Variants in SPTB observed in about 807,000 individuals in gnomAD.
The protein encoded by SPTB is spectrin beta, erythrocytic.
A neutral mutation model predicts 256.2 loss-of-function variants in SPTB; 45 were observed. The observed-to-expected ratio is 0.18, with a 90% CI of 0.14 to 0.23. SPTB has a LOEUF of 0.23. Ranked by LOEUF, SPTB falls within the 10% of genes least tolerant of loss-of-function variation. The pLI is 1.00. For missense variants in SPTB, 2,715 were observed against 3,040.4 expected (o/e 0.89, Z 2.52); for synonymous variants, 1,231 against 1,243.1 (o/e 0.99, Z 0.21).
In SPTB at chr14:64,747,939, A is replaced by T. The variant is rs2081873923; in HGVS notation, c.*1367T>A. 1 of 152,058 alleles carries T rather than the reference A, an allele frequency of 6.6e-6. No homozygotes were observed. Among genetic ancestry groups the T allele is most frequent in the African/African-American group, 2.4e-5 (1 of 41,354 alleles). 9.4% of individuals were successfully genotyped at this position (152,058 alleles called of 1,614,324 possible). A position where few individuals can be genotyped will look rare whatever the true frequency, so the allele number is the denominator to read the frequency against. On this transcript the variant is annotated 3_prime_UTR_variant, in exon 36 of 36. Transcript: ENST00000644917. ...AGCTTTCTCTTCCTCCAGAAGTATG[A>T]CCTGAGCAGCAAGGGGAAGGCCATT... is the stretch of plus-strand genomic sequence containing the variant.
At position 64,792,259 on chromosome 14, in the gene SPTB, T is replaced by C. The variant is rs1451467000; in HGVS notation, c.2667-403A>G. 6.6e-6 allele frequency among the ~76,000 whole-genome samples: 1 copy of C among 152,216 alleles called. No homozygotes were observed. The highest frequency in any genetic ancestry group is 1.5e-5 in the Non-Finnish European group (1 of 68,038). ...ACTCTGAGTCCAATGCCTTGACATC[T>C]TAACCCAAAAGATACCCTTTCCAGC... is the stretch of plus-strand genomic sequence containing the variant. On this transcript the variant is annotated intron_variant, in intron 14 of 35. Transcript: ENST00000644917. This position sits in a 1 kb window ranked among gnomAD's most constrained non-coding sequence, Gnocchi z 4.2.
rs147753775 is a variant in SPTB at position 64,795,999 on chromosome 14, T to G, written c.1342-360A>C. ...GGGCTGCTTCTCACTCGGAAACCCA[T>G]GCACCAGCAAACAGATGGTTTATTC... On this transcript the variant is annotated intron_variant, in intron 11 of 35. Transcript: ENST00000644917. This position sits in a 1 kb window ranked among gnomAD's most constrained non-coding sequence, Gnocchi z 6.5. Among the ~76,000 whole-genome samples the G allele has an allele frequency of 6.6e-6, 1 of 152,168 alleles. No individual in the cohort carries two copies. The highest frequency in any genetic ancestry group is 2.4e-5 in the African/African-American group (1 of 41,448).
chr14:64,813,576 CA>C (rs1387176652), intron 2 of SPTB, among the ~76,000 whole-genome samples: 1 of 152,192 alleles, frequency 6.6e-6, no homozygotes, highest in African/African-American at 2.4e-5. Context: ...GACCGGAGTG[CA>C]GTGGTGCGAT....
At chr14:64,864,410 C>T (rs747000414) in intron 1 of SPTB, among the ~76,000 whole-genome samples, 1 of 152,108 alleles carries the variant, frequency 6.6e-6, no homozygotes, top group Non-Finnish European at 1.5e-5. Context: ...GATTGCATCA[C>T]TGTGCTTCAG....
chr14:64,830,261 C>T (rs2083432384), intron 1 of SPTB, among the ~76,000 whole-genome samples: 1 of 151,354 alleles, frequency 6.6e-6, no homozygotes, highest in Non-Finnish European at 1.5e-5. Context: ...GTGCCTAGTA[C>T]TGGGCCTGGG....
rs2082708868 is a variant in SPTB, at chr14:64,793,350, C to T, written c.2313G>A (p.Val771=). 1 of 1,611,732 alleles carries T rather than the reference C, an allele frequency of 6.2e-7. No individual in the cohort carries two copies. The highest frequency in any genetic ancestry group is 1.1e-5 in the South Asian group (1 of 91,088). The stretch of plus-strand genomic sequence containing the variant: ...CCCGCGTGGCCCCTTCGTCCTGCCC[C>T]ACATCTTCACCAGAGAGCAGCCGGT... ...DAHRLLSGED[V]GQDEGATRAL... Residue 771 remains valine, a synonymous_variant, in exon 14 of 36, where the codon GTG becomes GTA. Coordinates refer to ENST00000644917, the MANE Select transcript of SPTB (RefSeq NM_001355436.2). The surrounding 1 kb of genome is among the most constrained non-coding windows in gnomAD (Gnocchi z 7.0).
intron 8 of SPTB, 132 bp from the exon 9 acceptor site, chr14:64,800,066 G>A (rs2139622329): frequency 1.7e-6 from 2 of 1,158,816 alleles, no homozygotes; most frequent in East Asian, 2.4e-5. Flanking sequence ...TCTAGGCTGG[G>A]TTTGTTCCCT....
chr14:64,830,716 G>A (rs1327702428), intron 1 of SPTB, among the ~76,000 whole-genome samples: 1 of 151,958 alleles, frequency 6.6e-6, no homozygotes, highest in East Asian at 1.9e-4. Flanking sequence ...CTCCTGCACG[G>A]CCCCTCATGC....
chr14:64,749,368 C>A lies in SPTB; in HGVS notation c.6925G>T (p.Asp2309Tyr), dbSNP rs570395215. ...TTGTCTTTCTTGCCGAGGCTGGCGT[C>A]GGGGCCGGAGAGGGAAGGCAGGGGC... ...SLPLPSLSGP[D>Y]ASLGKKDKEK... The change falls in exon 36 of 36, where the codon GAC becomes TAC. Residue 2309 changes from aspartate to tyrosine, a missense_variant. Transcript: ENST00000644917. This position sits in a 1 kb window ranked among gnomAD's most constrained non-coding sequence, Gnocchi z 4.7. 2 of 1,610,344 alleles carry A rather than the reference C, an allele frequency of 1.2e-6. No individual in the cohort carries two copies. The highest frequency in any genetic ancestry group is 1.7e-6 in the Non-Finnish European group (2 of 1,179,712).
In SPTB at chr14:64,747,702, G is replaced by A. The variant is rs1040384585; in HGVS notation, c.*1604C>T. The A allele has an allele frequency of 4.6e-5, 7 of 152,216 alleles. No individual in the cohort carries two copies. Among genetic ancestry groups the A allele is most frequent in the African/African-American group, 1.7e-4 (7 of 41,422 alleles). The allele number at this position is 152,216 out of a possible 1,614,324, so 9.4% of individuals were successfully genotyped here. On this transcript the variant is annotated 3_prime_UTR_variant, in exon 36 of 36. Coordinates refer to ENST00000644917, the MANE Select transcript of SPTB (RefSeq NM_001355436.2). ...TGAACCTCACCCACTTCATCTCCAT[G>A]GAACTAAGGTCCTTCTCACGGGGAA...
chr14:64,793,341 G>A lies in SPTB; in HGVS notation c.2322C>T (p.Asp774=), dbSNP rs764165460. Residue 774 remains aspartate, a synonymous_variant, in exon 14 of 36, where the codon GAC becomes GAT. Transcript: ENST00000644917. This position sits in a 1 kb window ranked among gnomAD's most constrained non-coding sequence, Gnocchi z 7.0. The part of the protein sequence containing the change: ...RLLSGEDVGQ[D]EGATRALGKK... Reference sequence around the variant, plus strand: ...TCCCCAGGGCCCGCGTGGCCCCTTCGTCCTGCCCCACATCTTCACCAGAGA... The same window carrying A: ...TCCCCAGGGCCCGCGTGGCCCCTTCATCCTGCCCCACATCTTCACCAGAGA... The A allele has an allele frequency of 1.2e-5, 20 of 1,610,756 alleles. No homozygotes were observed. The highest frequency in any genetic ancestry group is 1.1e-4 in the East Asian group (5 of 44,880).
rs1220134056 is a variant in SPTB, at chr14:64,816,457, C to A, written c.148+6490G>T. On this transcript the variant is annotated intron_variant, in intron 2 of 35. Transcript: ENST00000644917. The surrounding 1 kb of genome is among the most constrained non-coding windows in gnomAD (Gnocchi z 4.2). ...CCTCCTATCACCACCACCAACCCTG[C>A]ACTCTGACTCAAACATGCTTATCCC... is the stretch of plus-strand genomic sequence containing the variant. Among the ~76,000 whole-genome samples, 2 of 152,188 alleles carry A rather than the reference C, an allele frequency of 1.3e-5. No individual in the cohort carries two copies. The highest frequency in any genetic ancestry group is 2.9e-5 in the Non-Finnish European group (2 of 68,038).
intron 1 of SPTB, among the ~76,000 whole-genome samples, chr14:64,835,539 C>T (rs1306001993): frequency 2.6e-5 from 4 of 152,216 alleles, no homozygotes; most frequent in Admixed American, 6.5e-5. Context: ...AGCCACCTCA[C>T]CCAGCCCAGA....
rs899912073 is a variant in SPTB, at chr14:64,778,062, C to T, written c.4563+1095G>A. On this transcript the variant is annotated intron_variant, in intron 22 of 35. Transcript: ENST00000644917. The surrounding 1 kb of genome is among the most constrained non-coding windows in gnomAD (Gnocchi z 5.2). ...ATACCATGTCCTACCAGCCTTCCAC[C>T]TTTAGCTGAAGGTTGTGGCATTAAC... Among the ~76,000 whole-genome samples the T allele has an allele frequency of 2.0e-5, 3 of 152,170 alleles. No homozygotes were observed. Among genetic ancestry groups the T allele is most frequent in the African/African-American group, 4.8e-5 (2 of 41,426 alleles).
In SPTB at chr14:64,792,780, T is replaced by C. The variant is rs2082697027; in HGVS notation, c.2666+217A>G. On this transcript the variant is annotated intron_variant, in intron 14 of 35. Transcript: ENST00000644917. The surrounding 1 kb of genome is among the most constrained non-coding windows in gnomAD (Gnocchi z 4.2). ...GAATAACTGGACTAGATAAATTCCCTTTGTTTGAGGAACACAAGGCCCCAA... is the reference window on the plus strand; with the variant it reads ...GAATAACTGGACTAGATAAATTCCCCTTGTTTGAGGAACACAAGGCCCCAA... Among the ~76,000 whole-genome samples, 1 of 152,196 alleles carries C rather than the reference T, an allele frequency of 6.6e-6. No homozygotes were observed. The highest frequency in any genetic ancestry group is 2.4e-5 in the African/African-American group (1 of 41,438).
intron 2 of SPTB, among the ~76,000 whole-genome samples, chr14:64,818,585 G>A (rs2083233137): frequency 6.6e-6 from 1 of 152,188 alleles, no homozygotes; most frequent in Non-Finnish European, 1.5e-5. Flanking sequence ...GGAAGGGGAG[G>A]AGTGTGCAGG....
chr14:64,876,079 C>G (rs1882809634), intron 1 of SPTB, among the ~76,000 whole-genome samples: 1 of 152,124 alleles, frequency 6.6e-6, no homozygotes, highest in Non-Finnish European at 1.5e-5. Context: ...ATCCTCCTCC[C>G]TTAGCCTCCG....
chr14:64,863,687 T>C (rs745555234), intron 1 of SPTB, among the ~76,000 whole-genome samples: 2 of 152,240 alleles, frequency 1.3e-5, no homozygotes, highest in East Asian at 1.9e-4. Flanking sequence ...TAGTAGATTC[T>C]AGGTCTTAAC....
chr14:64,772,943 G>T lies in SPTB; in HGVS notation c.5190C>A (p.Asp1730Glu). Reference protein sequence around the residue: ...QDFDHVTLLRDKFRDFARETG... With the variant: ...QDFDHVTLLREKFRDFARETG... Reference sequence around the variant, plus strand: ...TCTCCCGGGCAAAGTCCCGGAACTTGTCCCGCAGAAGCTAGGCATGGGGCA... The same window carrying T: ...TCTCCCGGGCAAAGTCCCGGAACTTTTCCCGCAGAAGCTAGGCATGGGGCA... Residue 1730 changes from aspartate (D) to glutamate (E), a missense_variant, in exon 26 of 36, where the codon GAC becomes GAA. Asp to Glu is a conservative substitution (Grantham distance 45). Coordinates refer to ENST00000644917, the MANE Select transcript of SPTB (RefSeq NM_001355436.2). The surrounding 1 kb of genome is among the most constrained non-coding windows in gnomAD (Gnocchi z 5.4). The T allele has an allele frequency of 6.2e-7, 1 of 1,601,846 alleles. No homozygotes were observed. The highest frequency in any genetic ancestry group is 8.5e-7 in the Non-Finnish European group (1 of 1,173,910).
Sources: gnomAD v4.1 joint callset for allele counts (sites outside exome capture counted in the v4.1 genomes callset) on GRCh38, gnomAD v4.1.1 for gene constraint, Gnocchi (gnomAD v3.1) non-coding constraint, MANE v1.5 for transcripts, NCBI Gene and HGNC (gene_info 2026-07-23, HGNC 2026-07-21) for gene names.